The following KANK1 variants were observed in gnomAD, a reference collection of about 807,000 sequenced individuals.
The protein encoded by KANK1 is KN motif and ankyrin repeat domain-containing protein 1.
A neutral mutation model predicts 106.2 loss-of-function variants in KANK1; 109 were observed. The ratio of observed to expected loss-of-function variants is 1.03; its 90% CI spans 0.88 to 1.20. The LOEUF is 1.20. KANK1 is among the 50% of genes most tolerant of loss of function. The pLI, the probability that KANK1 is intolerant of heterozygous loss-of-function variation, is 0.00. For missense variants in KANK1, 2,399 were observed against 1,710.7 expected, an observed-to-expected ratio of 1.40 and a Z score of -7.10; for synonymous variants, 873 against 652.2, an observed-to-expected ratio of 1.34 and a Z score of -5.16.
At chr9:658,314 T>C (rs1842575828) in intron 1 of KANK1, among the ~76,000 whole-genome samples, 1 of 152,088 alleles carries the variant, frequency 6.6e-6, no homozygotes, top group African/African-American at 2.4e-5. Context: ...GAAGAAAACC[T>C]AGTCTTCCTA....
chr9:729,681 AT>A (rs1831685111), intron 3 of KANK1, among the ~76,000 whole-genome samples: 1 of 152,178 alleles, frequency 6.6e-6, no homozygotes, highest in South Asian at 2.1e-4. Context: ...GCGTTGTCAC[AT>A]TTTGTTTTAG....
At chr9:577,587 T>C (rs1820921711) in intron 1 of KANK1, among the ~76,000 whole-genome samples, 1 of 152,200 alleles carries the variant, frequency 6.6e-6, no homozygotes, top group Admixed American at 6.5e-5. Flanking sequence ...ATCTCCCAGA[T>C]AGCTTGTGCC....
intron 3 of KANK1, among the ~76,000 whole-genome samples, chr9:482,575 G>A (rs896614741): frequency 6.6e-6 from 1 of 152,156 alleles, no homozygotes; most frequent in Non-Finnish European, 1.5e-5. Flanking sequence ...CAACTAACGG[G>A]CATGGATTCA....
chr9:739,606 G>GT (rs1223932837), intron 8 of KANK1, among the ~76,000 whole-genome samples: 3 of 152,174 alleles, frequency 2.0e-5, no homozygotes, highest in African/African-American at 7.2e-5. Context: ...CAGAGTGATT[G>GT]TTTAAACAGA....
intron 3 of KANK1, among the ~76,000 whole-genome samples, chr9:486,172 A>C (rs2058290587): frequency 6.6e-6 from 1 of 152,212 alleles, no homozygotes; most frequent in African/African-American, 2.4e-5. Context: ...GATTTGCTGT[A>C]ATCAAAGGAT....
At chr9:734,887 G>C (rs373083784) in intron 7 of KANK1, 52 bp downstream of exon 7, 1 of 1,354,104 alleles carries the variant, frequency 7.4e-7, no homozygotes, top group Admixed American at 1.7e-5. Flanking sequence ...TGCATGAGTG[G>C]GTTCATTGTC....
intron 1 of KANK1, among the ~76,000 whole-genome samples, chr9:555,186 C>G (rs2061506903): frequency 6.6e-6 from 1 of 152,168 alleles, no homozygotes; most frequent in African/African-American, 2.4e-5. Flanking sequence ...TAGCTAATCC[C>G]TGAGAAAGCC....
Position 712,000 on chromosome 9 carries a change from A to G in KANK1, c.1234A>G (p.Ile412Val), listed in dbSNP as rs772298653. The G allele has an allele frequency of 3.1e-6, 5 of 1,614,198 alleles. No individual in the cohort carries two copies. Among genetic ancestry groups the G allele is most frequent in the African/African-American group, 1.3e-5 (1 of 75,060 alleles). Residue 412 changes from isoleucine (I) to valine (V), a missense_variant, in exon 3 of 12, where the codon ATC (isoleucine) becomes GTC (valine). Transcript: ENST00000382297. Reference protein sequence around the residue: ...AVGAEENMNDIVVYHRGSRSC... With the variant: ...AVGAEENMNDVVVYHRGSRSC... Reference sequence around the variant, plus strand: ...GGGTGCCGAGGAGAACATGAACGACATCGTCGTGTACCACAGAGGCTCCAG... The same window carrying G: ...GGGTGCCGAGGAGAACATGAACGACGTCGTCGTGTACCACAGAGGCTCCAG...
chr9:598,927 C>T (rs531102647), intron 1 of KANK1, among the ~76,000 whole-genome samples: 35 of 149,492 alleles, frequency 2.3e-4, no homozygotes, highest in African/African-American at 4.4e-4. Flanking sequence ...CCACCATGCC[C>T]GGCCATCCCT....
At chr9:503,450 T>C (rs566639575), upstream of KANK1, among the ~76,000 whole-genome samples, 7 of 152,268 alleles carry the variant, frequency 4.6e-5, no homozygotes, top group South Asian at 1.5e-3. Context: ...TCAGGAGCCA[T>C]CAAGTTCAGG....
chr9:738,071 C>T (rs1186642752), intron 7 of KANK1, among the ~76,000 whole-genome samples: 1 of 151,834 alleles, frequency 6.6e-6, no homozygotes, highest in Non-Finnish European at 1.5e-5. Context: ...TGTCTGGTCT[C>T]CTTTATAGAC....
chr9:495,673 C>G (rs887339849), intron 3 of KANK1: 9 of 152,184 alleles, frequency 5.9e-5, no homozygotes, highest in Non-Finnish European at 1.2e-4. Flanking sequence ...AATCATGTGG[C>G]GCAGTCTCTT....
chr9:519,103 T>C (rs1169236249), intron 1 of KANK1, among the ~76,000 whole-genome samples: 1 of 151,658 alleles, frequency 6.6e-6, no homozygotes, highest in African/African-American at 2.4e-5. Flanking sequence ...TTGGTCAGGC[T>C]GGTCTCAAAC....
At chr9:628,215 C>G (rs927396436) in intron 1 of KANK1, among the ~76,000 whole-genome samples, 2 of 152,186 alleles carry the variant, frequency 1.3e-5, no homozygotes, top group African/African-American at 4.8e-5. Flanking sequence ...TCAGCCTGCT[C>G]GTCTTCAACC....
At chr9:717,281 CAAAA>C (rs1033125558) in intron 3 of KANK1, among the ~76,000 whole-genome samples, 23 of 150,560 alleles carry the variant, frequency 1.5e-4, no homozygotes, top group African/African-American at 4.9e-4. Context: ...GACCCTGTCT[CAAAA>C]AAAGAAAAGA....
Position 575,898 on chromosome 9 carries a change from C to T in KANK1, c.-84+71144C>T, listed in dbSNP as rs186200070. On this transcript the variant is annotated intron_variant, in intron 1 of 11. Coordinates refer to ENST00000382297, the MANE Select transcript of KANK1 (RefSeq NM_015158.5). The stretch of plus-strand genomic sequence containing the variant: ...ATTAGTCAGATGTAGTGGTGTATGC[C>T]TATAATCCCAGCCACTTGAGAGGCT... Among the ~76,000 whole-genome samples the T allele has an allele frequency of 1.5e-3, 222 of 152,264 alleles. 1 individual carries two copies. Among genetic ancestry groups the T allele is most frequent in the African/African-American group, 5.0e-3 (206 of 41,546 alleles).
chr9:612,914 A>G (rs1324986943), intron 1 of KANK1, among the ~76,000 whole-genome samples: 1 of 152,186 alleles, frequency 6.6e-6, no homozygotes, highest in East Asian at 1.9e-4. Context: ...TGCCATACAT[A>G]TGCCTATGGT....
chr9:742,691 C>G (rs1356797404), intron 10 of KANK1, among the ~76,000 whole-genome samples: 1 of 152,194 alleles, frequency 6.6e-6, no homozygotes, highest in Non-Finnish European at 1.5e-5. Context: ...AGCCCCTCTA[C>G]TAAAGGGAAA....
intron 1 of KANK1, among the ~76,000 whole-genome samples, chr9:508,968 G>A (rs2058905484): frequency 6.6e-6 from 1 of 152,232 alleles, no homozygotes; most frequent in Admixed American, 6.5e-5. Context: ...TAGAGGTACA[G>A]TCATGCGGAT....
Sources: gnomAD v4.1 joint callset for allele counts (sites outside exome capture counted in the v4.1 genomes callset) on GRCh38, gnomAD v4.1.1 for gene constraint, MANE v1.5 for transcripts, NCBI Gene and HGNC (gene_info 2026-07-23, HGNC 2026-07-21) for gene names.